PRH1: variants seen among roughly 807,000 people sequenced by gnomAD.
The protein encoded by PRH1 is proline rich protein HaeIII subfamily 1.
Under a neutral mutation model 7.9 loss-of-function variants are expected in PRH1, and 7 were observed. That is an observed-to-expected ratio of 0.89 (90% CI 0.50 to 1.67). The LOEUF is 1.67. PRH1 is among the 40% of genes most tolerant of loss of function. The probability of loss-of-function intolerance (pLI) is 0.00; values close to 1 mark genes in which losing one functional copy is unlikely to be tolerated. For missense variants in PRH1, 109 were observed against 223.6 expected (o/e 0.49, Z 3.27); for synonymous variants, 45 against 80.8 (o/e 0.56, Z 2.38).
intron 1 of PRH1, among the ~76,000 whole-genome samples, chr12:11,003,079 T>A (rs1316739454): frequency 6.6e-6 from 1 of 152,018 alleles, no homozygotes; most frequent in Non-Finnish European, 1.5e-5. Context: ...TTGTTTCAAA[T>A]TAAGATTAGC....
exon 1 of PRH1, chr12:11,047,176 A>C: frequency 2.0e-5 from 8 of 392,668 alleles, no homozygotes; most frequent in Middle Eastern, 3.8e-4. Flanking sequence ...CCTTGAGCCA[A>C]ATGCTGGAGA....
At chr12:11,110,513 A>G (rs2708353) in intron 1 of PRH1, among the ~76,000 whole-genome samples, 69,115 of 151,832 alleles carry the variant, frequency 0.46, 16,521 homozygotes, top group Non-Finnish European at 0.53. Flanking sequence ...GACATTCTTC[A>G]AGAAAAGGAT....
At chr12:11,061,322 G>A (rs374109594) in intron 1 of PRH1, 822 of 1,559,594 alleles carry the variant, frequency 5.3e-4, no homozygotes, top group Middle Eastern at 4.0e-3. Flanking sequence ...CATATAACAC[G>A]TTTGTTTTCT....
At chr12:11,083,771 A>C (rs1431991348) in intron 1 of PRH1, among the ~76,000 whole-genome samples, 1 of 152,298 alleles carries the variant, frequency 6.6e-6, no homozygotes, top group Non-Finnish European at 1.5e-5. Flanking sequence ...CAGTGTAATA[A>C]ATTTCAATTT....
intron 1 of PRH1, among the ~76,000 whole-genome samples, chr12:11,160,815 T>C (rs973951649): frequency 2.0e-5 from 3 of 152,130 alleles, no homozygotes; most frequent in Non-Finnish European, 4.4e-5. Flanking sequence ...AAAGAACTAA[T>C]ATTCAAGACA....
intron 1 of PRH1, chr12:11,061,978 T>A: frequency 6.2e-7 from 1 of 1,613,874 alleles, no homozygotes; most frequent in South Asian, 1.1e-5. Flanking sequence ...CTTGAGCAAA[T>A]AAAATATGCT....
At chr12:10,933,603 A>G (rs962706348) in intron 2 of PRH1, among the ~76,000 whole-genome samples, 9 of 152,124 alleles carry the variant, frequency 5.9e-5, no homozygotes, top group African/African-American at 2.2e-4. Flanking sequence ...GCAGAGGAAA[A>G]AAAAATATGA....
At chr12:10,983,503 A>T (rs1939457150) in intron 1 of PRH1, among the ~76,000 whole-genome samples, 1 of 152,188 alleles carries the variant, frequency 6.6e-6, no homozygotes, top group Non-Finnish European at 1.5e-5. Flanking sequence ...CTTCAATGGA[A>T]CACCACACTG....
chr12:10,994,870 G>A (rs916008119), intron 1 of PRH1, among the ~76,000 whole-genome samples: 5 of 152,016 alleles, frequency 3.3e-5, no homozygotes, highest in Middle Eastern at 3.4e-3. Context: ...TATATCATTC[G>A]CAATAGAAAA....
rs573268814 is a variant in PRH1, at chr12:10,968,174, G to A, written c.-59+5481C>T. 3.5e-4 allele frequency among the ~76,000 whole-genome samples: 54 copies of A among 152,234 alleles called. 1 individual carries two copies. In the South Asian group the frequency reaches 7.3e-3, roughly 20 times the overall value. On this transcript the variant is annotated intron_variant, in intron 2 of 3. Transcript: ENST00000539853. ...TCTCTGATTGAAGAATTGTATTTAC[G>A]TTAAAAACTAAATGTTTATTATAGT...
At chr12:11,090,902 G>A (rs74062434) in intron 1 of PRH1, among the ~76,000 whole-genome samples, 6,479 of 93,460 alleles carry the variant, frequency 0.069, 1,861 homozygotes, top group African/African-American at 0.19. Context: ...ATATTTTTCC[G>A]GGGATAAGCT....
At chr12:11,009,417 G>C (rs1366450180) in intron 1 of PRH1, among the ~76,000 whole-genome samples, 1 of 151,458 alleles carries the variant, frequency 6.6e-6, no homozygotes, top group Non-Finnish European at 1.5e-5. Flanking sequence ...TAAATATATA[G>C]AGATGGAAAT....
rs779850072 is a variant in PRH1 at position 10,986,087 on chromosome 12, G to T, written c.-125-12366C>A. 2.5e-6 allele frequency: 4 copies of T among 1,614,046 alleles called. No homozygotes were observed. In the South Asian group the frequency reaches 4.4e-5, roughly 18 times the overall value. On this transcript the variant is annotated intron_variant, in intron 1 of 3. Transcript: ENST00000539853. Reference sequence around the variant, plus strand: ...CAGCCTTGCTAACCATGACAACCGGGTCATTCCGCAGCCTCCTAGGACTCC... The same window carrying T: ...CAGCCTTGCTAACCATGACAACCGGTTCATTCCGCAGCCTCCTAGGACTCC...
chr12:10,923,535 T>C (rs530201639), intron 2 of PRH1, among the ~76,000 whole-genome samples: 147 of 152,356 alleles, frequency 9.6e-4, no homozygotes, highest in African/African-American at 3.4e-3. Context: ...CAGTTAAATA[T>C]GACAAATATA....
intron 1 of PRH1, among the ~76,000 whole-genome samples, chr12:10,883,839 T>C (rs901461755): frequency 5.3e-5 from 8 of 152,216 alleles, no homozygotes; most frequent in African/African-American, 1.9e-4. Flanking sequence ...GTACAGGATC[T>C]TCACAGCTGT....
chr12:10,893,469 C>A (rs1949604039), intron 2 of PRH1, among the ~76,000 whole-genome samples: 1 of 152,172 alleles, frequency 6.6e-6, no homozygotes, highest in East Asian at 1.9e-4. Context: ...GTTAACATTA[C>A]AATAGATGCC....
rs1007455057 is a variant in PRH1 at position 11,151,435 on chromosome 12, A to T, written n.39+19987T>A. Among the ~76,000 whole-genome samples, 19 of 152,326 alleles carry T rather than the reference A, an allele frequency of 1.2e-4. 1 individual carries two copies. In the South Asian group the frequency reaches 2.1e-3, roughly 17 times the overall value. On this transcript the variant is annotated intron_variant and non_coding_transcript_variant, in intron 1 of 1. Transcript: ENST00000541175. ...TCTGACCAATGAAAGATGAGAGCCA[A>T]TATATACATTCTTTTTATTTCTTCC... is the stretch of plus-strand genomic sequence containing the variant.
chr12:11,019,045 G>C (rs555351159), intron 1 of PRH1, among the ~76,000 whole-genome samples: 1 of 152,284 alleles, frequency 6.6e-6, no homozygotes, highest in Non-Finnish European at 1.5e-5. Context: ...GGGGGTATTG[G>C]TTAGTGTGAC....
intron 2 of PRH1, chr12:10,895,469 G>A (rs1038263532): frequency 3.3e-5 from 5 of 152,138 alleles, no homozygotes; most frequent in Non-Finnish European, 5.9e-5. Context: ...GAAAGAGATC[G>A]TTGCCTCTAG....
Sources: gnomAD v4.1 joint callset for allele counts (sites outside exome capture counted in the v4.1 genomes callset) on GRCh38, gnomAD v4.1.1 for gene constraint, MANE v1.5 for transcripts, NCBI Gene and HGNC (gene_info 2026-07-23, HGNC 2026-07-21) for gene names.